TYW1: variants seen among roughly 807,000 people sequenced by gnomAD.
TYW1 encodes S-adenosyl-L-methionine-dependent tRNA 4-demethylwyosine synthase TYW1.
Under a neutral mutation model 96.2 loss-of-function variants are expected in TYW1, and 46 were observed. The observed-to-expected ratio is 0.48, with a 90% CI of 0.38 to 0.61. The LOEUF (loss-of-function observed/expected upper bound fraction) is 0.61. TYW1 is among the 20% of genes least tolerant of loss of function. The probability of loss-of-function intolerance (pLI) is 0.00; values close to 1 mark genes in which losing one functional copy is unlikely to be tolerated. For missense variants in TYW1, 684 were observed against 909.6 expected, an observed-to-expected ratio of 0.75 and a Z score of 3.19; for synonymous variants, 274 against 323.0, an observed-to-expected ratio of 0.85 and a Z score of 1.63.
chr7:67,195,217 C>T lies in TYW1; in HGVS notation c.1857C>T (p.Ala619=), dbSNP rs761200329. 41 of 1,613,672 alleles carry T rather than the reference C, an allele frequency of 2.5e-5. No homozygotes were observed. The highest frequency in any genetic ancestry group is 1.5e-4 in the Admixed American group (9 of 59,956). The change falls in exon 15 of 16, where the codon GCC becomes GCT. Residue 619 remains alanine (A), a synonymous_variant. Transcript: ENST00000359626. ...GTTCAGCAAGCAGTCTTACCATGGC[C>T]CACGTGCCCTGGCATGAGGAAGTGG... is the stretch of plus-strand genomic sequence containing the variant. ...GESSASSLTM[A]HVPWHEEVVQ... is the part of the protein sequence containing the mutation.
At chr7:67,104,081 G>C (rs750059586) in intron 12 of TYW1, among the ~76,000 whole-genome samples, 10 of 152,044 alleles carry the variant, frequency 6.6e-5, no homozygotes, top group Non-Finnish European at 1.0e-4. Context: ...TATCTTTTCA[G>C]GGGAATCTAG....
At chr7:67,003,331 A>G (rs1471241696) in intron 3 of TYW1, among the ~76,000 whole-genome samples, 1 of 152,002 alleles carries the variant, frequency 6.6e-6, no homozygotes, top group Non-Finnish European at 1.5e-5. Context: ...CTGTCAGCAG[A>G]TTCTGTTTGT....
chr7:67,142,723 C>T (rs528454923), intron 13 of TYW1, among the ~76,000 whole-genome samples: 4 of 152,088 alleles, frequency 2.6e-5, no homozygotes, highest in Admixed American at 6.5e-5. Flanking sequence ...TGAGCCACTG[C>T]GCCTGGCCAG....
At position 67,014,312 on chromosome 7, in the gene TYW1, A is replaced by G. The variant is rs3748105; in HGVS notation, c.376-55A>G. The G allele has an allele frequency of 7.6e-4, 1,164 of 1,521,814 alleles. 16 individuals carry two copies. The East Asian group carries it at 0.025, about 33-fold the overall frequency. The allele number at this position is 1,521,814 out of a possible 1,614,324, so 94.3% of individuals were successfully genotyped here. ...TGCTTTTTTTCAAAGGATTTTCTTC[A>G]TTGAGATAATTTATGCCTTGTATGT... is the stretch of plus-strand genomic sequence containing the variant. On this transcript the variant is annotated intron_variant, in intron 4 of 15. Coordinates refer to ENST00000359626, the MANE Select transcript of TYW1 (RefSeq NM_018264.4).
chr7:67,129,200 C>G (rs192589777), intron 13 of TYW1, among the ~76,000 whole-genome samples: 124 of 152,306 alleles, frequency 8.1e-4, no homozygotes, highest in African/African-American at 2.9e-3. Flanking sequence ...AAGTTAGGTT[C>G]TGGTTAAATC....
chr7:67,014,386 G>T lies in TYW1; in HGVS notation c.395G>T (p.Cys132Phe), dbSNP rs1035539612. 2 of 1,609,456 alleles carry T rather than the reference G, an allele frequency of 1.2e-6. No homozygotes were observed. The highest frequency in any genetic ancestry group is 2.7e-5 in the African/African-American group (2 of 74,838). ...LIEEVTSKNVCVFLVATYTDG... is the reference protein window; with the variant it reads ...LIEEVTSKNVFVFLVATYTDG... The stretch of plus-strand genomic sequence containing the variant: ...GGTTAGGTGACTAGTAAAAATGTCT[G>T]TGTCTTCCTGGTTGCGACATACACT... The change falls in exon 5 of 16, where the codon TGT becomes TTT. Residue 132 changes from cysteine (C) to phenylalanine (F), a missense_variant. Physicochemically the swap from Cys to Phe is radical, Grantham distance 205 (BLOSUM62 -2). Transcript: ENST00000359626.
chr7:67,145,846 C>T (rs1798593857), intron 13 of TYW1, among the ~76,000 whole-genome samples: 2 of 152,152 alleles, frequency 1.3e-5, no homozygotes, highest in South Asian at 4.1e-4. Context: ...CCTCTGCCTC[C>T]TGGGCTTAAG....
At chr7:67,232,438 G>A (rs1801776817) in intron 15 of TYW1, among the ~76,000 whole-genome samples, 1 of 151,762 alleles carries the variant, frequency 6.6e-6, no homozygotes, top group African/African-American at 2.4e-5. Context: ...TACTCGGGAG[G>A]CTGAGGCAGG....
chr7:67,147,549 T>C (rs1405238560), intron 13 of TYW1, among the ~76,000 whole-genome samples: 1 of 152,150 alleles, frequency 6.6e-6, no homozygotes, highest in Non-Finnish European at 1.5e-5. Flanking sequence ...TACCCATTTG[T>C]TTTTTTCCTG....
intron 13 of TYW1, among the ~76,000 whole-genome samples, chr7:67,123,517 T>G (rs1797822866): frequency 6.6e-6 from 1 of 152,240 alleles, no homozygotes; most frequent in Non-Finnish European, 1.5e-5. Flanking sequence ...AGGTTCGTGT[T>G]GAGGCATCAG....
intron 7 of TYW1, among the ~76,000 whole-genome samples, chr7:67,041,355 G>A (rs1336631724): frequency 1.3e-5 from 2 of 151,902 alleles, no homozygotes; most frequent in Admixed American, 1.3e-4. Flanking sequence ...CCAGGCTGGA[G>A]TGCAGTGGCA....
chr7:67,172,577 C>T (rs1360123759), intron 13 of TYW1, among the ~76,000 whole-genome samples: 2 of 151,940 alleles, frequency 1.3e-5, no homozygotes, highest in Non-Finnish European at 2.9e-5. Context: ...TGTGCCACCA[C>T]GCCTGGCTAT....
rs61112149 is a variant in TYW1 at position 67,211,150 on chromosome 7, T to TTGTGTGTGTGTGTGTGTGTG, written c.1977+15835_1977+15854dup. On this transcript the variant is annotated intron_variant, in intron 15 of 15. Transcript: ENST00000359626. ...TTACTTTGCCATACCCCCATCAACA[T>TTGTGTGTGTGTGTGTGTGTG]TGTGTGTGTGTGTGTGTGTGTGTGT... 2.3e-3 allele frequency among the ~76,000 whole-genome samples: 288 copies of TTGTGTGTGTGTGTGTGTGTG among 125,466 alleles called. 1 individual carries two copies. Among genetic ancestry groups the TTGTGTGTGTGTGTGTGTGTG allele is most frequent in the Middle Eastern group, 7.9e-3 (2 of 252 alleles). The allele number at this position is 125,466 out of a possible 152,430, so 82.3% of individuals were successfully genotyped here. A position where few individuals can be genotyped will look rare whatever the true frequency, so the allele number is the denominator to read the frequency against.
chr7:67,222,843 C>T (rs1402773481), intron 15 of TYW1, among the ~76,000 whole-genome samples: 1 of 148,530 alleles, frequency 6.7e-6, no homozygotes, highest in Non-Finnish European at 1.5e-5. Context: ...TTCATGGTCC[C>T]TTAATCTCTG....
chr7:67,178,134 A>G (rs1799735828), intron 13 of TYW1, among the ~76,000 whole-genome samples: 1 of 151,706 alleles, frequency 6.6e-6, no homozygotes, highest in South Asian at 2.1e-4. Context: ...ACTGCACTCC[A>G]GCCTGAGTGG....
intron 14 of TYW1, among the ~76,000 whole-genome samples, chr7:67,192,836 G>T (rs1446139285): frequency 6.6e-6 from 1 of 152,162 alleles, no homozygotes; most frequent in Admixed American, 6.5e-5. Context: ...GTCTTCCTGT[G>T]CAGGCTTTAA....
intron 9 of TYW1, among the ~76,000 whole-genome samples, chr7:67,060,083 GT>G (rs35219774): frequency 0.33 from 46,871 of 142,238 alleles, 7,805 homozygotes; most frequent in African/African-American, 0.45. Flanking sequence ...CTGTAGTTAT[GT>G]TTTTTTTTTG....
intron 3 of TYW1, among the ~76,000 whole-genome samples, chr7:67,006,948 CTTTTTTT>C (rs34475001): frequency 9.3e-4 from 42 of 45,142 alleles, no homozygotes; most frequent in African/African-American, 3.2e-3. Context: ...AGATGTGAGG[CTTTTTTT>C]TTTTTTTTTT....
intron 5 of TYW1, among the ~76,000 whole-genome samples, chr7:67,015,170 T>A (rs1451883956): frequency 6.6e-6 from 1 of 150,988 alleles, no homozygotes; most frequent in Non-Finnish European, 1.5e-5. Context: ...CCTGGCTAAT[T>A]TTTTTGCATT....
Sources: allele counts gnomAD v4.1 joint callset (sites outside exome capture counted in the v4.1 genomes callset), GRCh38; gene constraint gnomAD v4.1.1; transcripts MANE v1.5; gene names NCBI Gene and HGNC (gene_info 2026-07-23, HGNC 2026-07-21).